The following CD82 variants were observed in gnomAD, a reference collection of about 807,000 sequenced individuals.
CD82 encodes CD82 antigen.
CD82 carries 36 observed loss-of-function variants against 37.4 expected under a neutral mutation model. The observed-to-expected ratio is 0.96, with a 90% confidence interval of 0.74 to 1.27. CD82 has a LOEUF of 1.27. Ranked by LOEUF, CD82 falls within the 50% of genes most tolerant of loss-of-function variation. CD82 has a pLI of 0.00. For synonymous variants in CD82, 158 were observed against 137.4 expected, an observed-to-expected ratio of 1.15 and a Z score of -1.05; for missense variants, 340 against 347.0, an observed-to-expected ratio of 0.98 and a Z score of 0.16.
At chr11:44,592,819 T>C (rs1853164758) in intron 2 of CD82, among the ~76,000 whole-genome samples, 1 of 152,202 alleles carries the variant, frequency 6.6e-6, no homozygotes, top group Non-Finnish European at 1.5e-5. Flanking sequence ...TGGAGCCCCC[T>C]AGACTGGAAG....
At chr11:44,607,529 T>C (rs575941316) in intron 6 of CD82, among the ~76,000 whole-genome samples, 42 of 152,338 alleles carry the variant, frequency 2.8e-4, no homozygotes, top group Non-Finnish European at 5.4e-4. Context: ...CAGAAGCTGG[T>C]CGCCTCTGCA....
intron 6 of CD82, among the ~76,000 whole-genome samples, chr11:44,613,458 G>A (rs1443103439): frequency 6.6e-6 from 1 of 152,184 alleles, no homozygotes; most frequent in African/African-American, 2.4e-5. Flanking sequence ...GGTTAGCTGA[G>A]AGCAGGTGCT....
rs1225718714 is a variant in CD82, at chr11:44,597,179, A to C, written c.63+2454A>C. Among the ~76,000 whole-genome samples, 3 of 152,196 alleles carry C rather than the reference A, an allele frequency of 2.0e-5. No individual in the cohort carries two copies. Among genetic ancestry groups the C allele is most frequent in the Non-Finnish European group, 2.9e-5 (2 of 68,028 alleles). The stretch of plus-strand genomic sequence containing the variant: ...GCTATGTGTGCTCGCGCCTGCGTGC[A>C]TGTGCACCTGTATGTCTTTGCCTGT... On this transcript the variant is annotated intron_variant, in intron 3 of 9. Transcript: ENST00000227155. This position sits in a 1 kb window ranked among gnomAD's most constrained non-coding sequence, Gnocchi z 4.1.
At chr11:44,598,961 C>G (rs1352165198) in intron 3 of CD82, among the ~76,000 whole-genome samples, 1 of 152,234 alleles carries the variant, frequency 6.6e-6, no homozygotes, top group Non-Finnish European at 1.5e-5. Flanking sequence ...CAGGGCCACC[C>G]CCACCTCCAA....
intron 6 of CD82, 125 bp downstream of exon 6, chr11:44,605,554 G>A (rs954064796): frequency 9.6e-6 from 8 of 835,732 alleles, no homozygotes; most frequent in Non-Finnish European, 1.2e-5. Flanking sequence ...TGTCAGGGAC[G>A]GCCTCCTGGA....
intron 3 of CD82, among the ~76,000 whole-genome samples, chr11:44,599,803 G>C (rs1853280551): frequency 6.6e-6 from 1 of 152,240 alleles, no homozygotes; most frequent in Non-Finnish European, 1.5e-5. Flanking sequence ...TGTTTGGGAA[G>C]CTCCCAGGCC....
intron 1 of CD82, among the ~76,000 whole-genome samples, chr11:44,578,477 C>G (rs1258226886): frequency 1.3e-5 from 2 of 152,146 alleles, no homozygotes; most frequent in Non-Finnish European, 2.9e-5. Flanking sequence ...CTATACACCC[C>G]CCTTCCAGCT....
chr11:44,614,973 G>A (rs540140280), intron 6 of CD82, among the ~76,000 whole-genome samples: 4 of 152,170 alleles, frequency 2.6e-5, no homozygotes, highest in South Asian at 2.1e-4. Flanking sequence ...CTGTTATGGG[G>A]ACAATGACGG....
At chr11:44,615,197 GT>G in intron 6 of CD82, 74 bp from the exon 7 acceptor site, 1 of 969,042 alleles carries the variant, frequency 1.0e-6, no homozygotes, top group Admixed American at 1.8e-5. Flanking sequence ...GGGGGAGGCA[GT>G]TTAAGTAGGG....
intron 6 of CD82, chr11:44,608,052 G>A (rs1853424539): frequency 6.6e-6 from 1 of 152,164 alleles, no homozygotes; most frequent in South Asian, 2.1e-4. Flanking sequence ...AAATTTTCTG[G>A]CTTTGCTGAA....
rs375830492 is a variant in CD82, at chr11:44,617,234, C to T, written c.439-928C>T. 9.9e-5 allele frequency among the ~76,000 whole-genome samples: 15 copies of T among 152,146 alleles called. No individual in the cohort carries two copies. The East Asian group carries it at 1.9e-3, about 20-fold the overall frequency. The stretch of plus-strand genomic sequence containing the variant: ...AGAGCCCGGAAAGGCTTTCTTCTCT[C>T]TAGAACTAGAGCATTTTCTCCTTTA... On this transcript the variant is annotated intron_variant, in intron 7 of 9. Transcript: ENST00000227155.
At chr11:44,591,417 G>A (rs1192196707) in intron 2 of CD82, among the ~76,000 whole-genome samples, 1 of 152,200 alleles carries the variant, frequency 6.6e-6, no homozygotes, top group African/African-American at 2.4e-5. Context: ...GGAATATCAT[G>A]GGAATACCAG....
intron 5 of CD82, 62 bp from the exon 6 acceptor site, chr11:44,605,293 G>A: frequency 6.2e-7 from 1 of 1,607,218 alleles, no homozygotes; most frequent in Non-Finnish European, 8.5e-7. Context: ...CTCGGGGCAC[G>A]CAGGCTGGGT....
chr11:44,590,475 G>C (rs149210015), intron 2 of CD82, among the ~76,000 whole-genome samples: 2,747 of 151,426 alleles, frequency 0.018, 91 homozygotes, highest in African/African-American at 0.062. Context: ...TTCAGGCATG[G>C]TGGCGGGCGC....
intron 1 of CD82, among the ~76,000 whole-genome samples, chr11:44,575,404 G>A (rs1339434139): frequency 6.6e-6 from 1 of 152,206 alleles, no homozygotes; most frequent in East Asian, 1.9e-4. Context: ...TGAGTCAGTG[G>A]GGGAAAGTTT....
Position 44,618,271 on chromosome 11 carries a change from A to G in CD82, c.548A>G (p.Asp183Gly). 1 of 1,614,120 alleles carries G rather than the reference A, an allele frequency of 6.2e-7. No homozygotes were observed. Residue 183 changes from aspartate to glycine, a missense_variant, in exon 8 of 10, where the codon GAC (aspartate) becomes GGC (glycine). Physicochemically the swap from Asp to Gly is moderately conservative, Grantham distance 94. Transcript: ENST00000227155. ...PCSCEVKGEEDNSLSVRKGFC... is the reference protein window; with the variant it reads ...PCSCEVKGEEGNSLSVRKGFC... Reference sequence around the variant, plus strand: ...TCCTGCGAAGTCAAGGGGGAAGAGGACAACAGCCTTTCTGTGAGGAAGGGC... The same window carrying G: ...TCCTGCGAAGTCAAGGGGGAAGAGGGCAACAGCCTTTCTGTGAGGAAGGGC...
intron 1 of CD82, among the ~76,000 whole-genome samples, chr11:44,578,294 T>G (rs903033178): frequency 1.6e-4 from 24 of 152,322 alleles, no homozygotes; most frequent in African/African-American, 5.5e-4. Flanking sequence ...AGCCTCTCTC[T>G]GAGCTCCTAT....
rs934772095 is a variant in CD82, at chr11:44,579,420, C to T, written c.-102-8055C>T. ...GCAGGGCCTGCACTTCCAGGCCGGCCTCACCGCAGGCTCCCCTAGACTTCC... is the reference window on the plus strand; with the variant it reads ...GCAGGGCCTGCACTTCCAGGCCGGCTTCACCGCAGGCTCCCCTAGACTTCC... On this transcript the variant is annotated intron_variant, in intron 1 of 9. Coordinates refer to ENST00000227155, the MANE Select transcript of CD82 (RefSeq NM_002231.4). Among the ~76,000 whole-genome samples, 2 of 152,070 alleles carry T rather than the reference C, an allele frequency of 1.3e-5. 1 individual carries two copies.
intron 2 of CD82, among the ~76,000 whole-genome samples, chr11:44,588,208 G>GT (rs1395350893): frequency 2.9e-3 from 199 of 68,612 alleles, no homozygotes; most frequent in African/African-American, 8.0e-3. Context: ...AGGATTTTGG[G>GT]GTTTTTTTTT....
Sources: allele counts gnomAD v4.1 joint callset (sites outside exome capture counted in the v4.1 genomes callset), GRCh38; gene constraint gnomAD v4.1.1; non-coding constraint Gnocchi (gnomAD v3.1); transcripts MANE v1.5; gene names NCBI Gene and HGNC (gene_info 2026-07-23, HGNC 2026-07-21).